Variants in ZNF33B observed in about 807,000 individuals in gnomAD.
The protein encoded by ZNF33B is zinc finger protein 33B, also known as zinc finger protein 11b (KOX 2).
ZNF33B carries 29 observed loss-of-function variants against 45.8 expected under a neutral mutation model. The ratio of observed to expected loss-of-function variants is 0.63; its 90% CI spans 0.47 to 0.86. The LOEUF is 0.86. Ranked by LOEUF, ZNF33B falls within the 40% of genes least tolerant of loss-of-function variation. The pLI, the probability that ZNF33B is intolerant of heterozygous loss-of-function variation, is 0.00. For synonymous variants in ZNF33B, 305 were observed against 307.8 expected (o/e 0.99, Z 0.10); for missense variants, 831 against 909.9 (o/e 0.91, Z 1.12).
chr10:42,601,676 G>C (rs761357775), intron 4 of ZNF33B, among the ~76,000 whole-genome samples: 2 of 151,418 alleles, frequency 1.3e-5, no homozygotes, highest in East Asian at 2.0e-4. Flanking sequence ...GTTTTGCCAC[G>C]TTCGCCAAGA....
intron 4 of ZNF33B, among the ~76,000 whole-genome samples, chr10:42,614,906 T>C (rs1564515849): frequency 6.6e-6 from 1 of 151,582 alleles, no homozygotes; most frequent in Non-Finnish European, 1.5e-5. Flanking sequence ...TGAGCTGAGA[T>C]CGTGCCACTG....
rs1481315370 is a variant in ZNF33B, at chr10:42,626,826, T to C, written c.250+5103A>G. Reference sequence around the variant, plus strand: ...TAGAATTCTCTAGTGAGAACAACTCTCTAGTACACAGAAATTGGTTTTTTG... The same window carrying C: ...TAGAATTCTCTAGTGAGAACAACTCCCTAGTACACAGAAATTGGTTTTTTG... On this transcript the variant is annotated intron_variant, in intron 4 of 4. Coordinates refer to ENST00000359467, the MANE Select transcript of ZNF33B (RefSeq NM_006955.3). 3.3e-5 allele frequency among the ~76,000 whole-genome samples: 5 copies of C among 152,248 alleles called. No individual in the cohort carries two copies. The East Asian group carries it at 9.6e-4, about 29-fold the overall frequency.
chr10:42,585,231 C>T (rs1202407906), downstream of ZNF33B, among the ~76,000 whole-genome samples: 3 of 152,218 alleles, frequency 2.0e-5, no homozygotes, highest in Admixed American at 6.5e-5. Flanking sequence ...GCAGGCACCA[C>T]GGACACCAGG....
chr10:42,611,186 A>T (rs758645735), intron 4 of ZNF33B, among the ~76,000 whole-genome samples: 4 of 151,864 alleles, frequency 2.6e-5, no homozygotes, highest in Admixed American at 6.6e-5. Flanking sequence ...AAAAATACAA[A>T]AAAAATTAGC....
At chr10:42,612,393 C>T (rs1254616982) in intron 4 of ZNF33B, among the ~76,000 whole-genome samples, 3 of 152,130 alleles carry the variant, frequency 2.0e-5, no homozygotes, top group East Asian at 1.9e-4. Flanking sequence ...TGCTTCACCA[C>T]GCCCAGCTTA....
chr10:42,621,783 A>G (rs1838601875), intron 4 of ZNF33B, among the ~76,000 whole-genome samples: 1 of 152,028 alleles, frequency 6.6e-6, no homozygotes, highest in Non-Finnish European at 1.5e-5. Context: ...TCCTCTTAAC[A>G]TCAGGAAGAA....
At chr10:42,583,712 G>A (rs1300182903) in intron 1 of ZNF33B, among the ~76,000 whole-genome samples, 1 of 151,984 alleles carries the variant, frequency 6.6e-6, no homozygotes, top group Admixed American at 6.6e-5. Context: ...TCCATTCACG[G>A]GCCAGTGCAA....
intron 4 of ZNF33B, among the ~76,000 whole-genome samples, chr10:42,630,096 C>T (rs1269428140): frequency 1.3e-5 from 2 of 152,162 alleles, no homozygotes; most frequent in African/African-American, 2.4e-5. Flanking sequence ...TCTTTCTTTC[C>T]TGCATCCCAA....
chr10:42,608,789 A>G (rs1019594579), intron 4 of ZNF33B, among the ~76,000 whole-genome samples: 2 of 152,140 alleles, frequency 1.3e-5, no homozygotes, highest in Non-Finnish European at 2.9e-5. Context: ...GAAAGATTAT[A>G]GAGTAAAAAT....
intron 2 of ZNF33B, among the ~76,000 whole-genome samples, chr10:42,634,453 A>C (rs1839198750): frequency 6.6e-6 from 1 of 152,200 alleles, no homozygotes; most frequent in African/African-American, 2.4e-5. Context: ...TTCAACCCCA[A>C]AGAAAGTCTC....
At chr10:42,613,014 C>T (rs543299811) in intron 4 of ZNF33B, among the ~76,000 whole-genome samples, 1 of 152,170 alleles carries the variant, frequency 6.6e-6, no homozygotes, top group South Asian at 2.1e-4. Flanking sequence ...GCATCCTGTA[C>T]CAAAACCATC....
chr10:42,575,337 G>A (rs1836732699), intron 1 of ZNF33B, among the ~76,000 whole-genome samples: 1 of 152,072 alleles, frequency 6.6e-6, no homozygotes, highest in Non-Finnish European at 1.5e-5. Flanking sequence ...GCAAAGAGGA[G>A]CAGCAGGAAA....
chr10:42,628,826 A>G (rs1838925135), intron 4 of ZNF33B, among the ~76,000 whole-genome samples: 1 of 152,234 alleles, frequency 6.6e-6, no homozygotes, highest in Non-Finnish European at 1.5e-5. Context: ...GCAGTTTCAC[A>G]GGAACCAAAA....
intron 4 of ZNF33B, among the ~76,000 whole-genome samples, chr10:42,615,641 C>T (rs530154779): frequency 3.3e-5 from 5 of 152,132 alleles, no homozygotes; most frequent in African/African-American, 4.8e-5. Context: ...GAAACATTGT[C>T]GGCTGGGTGC....
intron 4 of ZNF33B, among the ~76,000 whole-genome samples, chr10:42,622,209 T>C (rs530077111): frequency 4.0e-4 from 61 of 152,324 alleles, no homozygotes; most frequent in African/African-American, 1.4e-3. Flanking sequence ...AAGGAAACAG[T>C]ATCTCATGTT....
At chr10:42,619,035 G>A (rs1428755829) in intron 4 of ZNF33B, among the ~76,000 whole-genome samples, 1 of 151,288 alleles carries the variant, frequency 6.6e-6, no homozygotes, top group Non-Finnish European at 1.5e-5. Context: ...TGTTGTTCTC[G>A]AATGGACAAC....
intron 4 of ZNF33B, among the ~76,000 whole-genome samples, chr10:42,628,248 T>A (rs1442643616): frequency 1.3e-5 from 2 of 152,288 alleles, no homozygotes; most frequent in African/African-American, 4.8e-5. Flanking sequence ...ACTCCTGACC[T>A]CAAGCAATCT....
At chr10:42,588,676 G>A (rs1331194317), downstream of ZNF33B, among the ~76,000 whole-genome samples, 3 of 152,196 alleles carry the variant, frequency 2.0e-5, no homozygotes, top group Non-Finnish European at 4.4e-5. Context: ...GGAGCAAAGT[G>A]GAAAAGAAGG....
intron 2 of ZNF33B, among the ~76,000 whole-genome samples, chr10:42,634,030 C>T (rs1255866830): frequency 6.6e-6 from 1 of 150,862 alleles, no homozygotes; most frequent in African/African-American, 2.4e-5. Context: ...ACTACAGAGA[C>T]ATTTATAATA....
Sources: allele counts gnomAD v4.1 joint callset (sites outside exome capture counted in the v4.1 genomes callset), GRCh38; gene constraint gnomAD v4.1.1; transcripts MANE v1.5; gene names NCBI Gene and HGNC (gene_info 2026-07-23, HGNC 2026-07-21).